PAPSS2: variants seen among roughly 807,000 people sequenced by gnomAD.
PAPSS2 encodes the protein 3'-phosphoadenosine 5'-phosphosulfate synthase 2, also known as bifunctional 3'-phosphoadenosine 5'-phosphosulfate synthase 2.
A neutral mutation model predicts 66.5 loss-of-function variants in PAPSS2; 61 were observed. The ratio of observed to expected loss-of-function variants is 0.92; its 90% CI spans 0.75 to 1.14. The LOEUF (loss-of-function observed/expected upper bound fraction) is 1.14, where lower values mean the gene tolerates loss of function less well. Among genes scored for constraint, PAPSS2 ranks in the 50% most tolerant of loss-of-function variants. The pLI, the probability that PAPSS2 is intolerant of heterozygous loss-of-function variation, is 0.00. For missense variants in PAPSS2, 708 were observed against 789.6 expected, an observed-to-expected ratio of 0.90 and a Z score of 1.24; for synonymous variants, 289 against 287.5, an observed-to-expected ratio of 1.01 and a Z score of -0.05.
intron 1 of PAPSS2, 27 bp from the exon 2 acceptor site, chr10:87,709,169 T>C: frequency 7.0e-7 from 1 of 1,428,302 alleles, no homozygotes; most frequent in Non-Finnish European, 9.9e-7. Context: ...TAATTAATAC[T>C]GTGCTTGGTT....
intron 10 of PAPSS2, among the ~76,000 whole-genome samples, chr10:87,742,040 G>A (rs770938907): frequency 2.6e-5 from 4 of 152,158 alleles, no homozygotes; most frequent in Non-Finnish European, 5.9e-5. Context: ...TTACAGGCAT[G>A]AGCCACCATC....
chr10:87,679,517 A>G (rs908258780), intron 1 of PAPSS2, among the ~76,000 whole-genome samples: 9 of 152,226 alleles, frequency 5.9e-5, no homozygotes, highest in African/African-American at 1.9e-4. Flanking sequence ...TACACATTCT[A>G]TGCATGTAAC....
intron 1 of PAPSS2, among the ~76,000 whole-genome samples, chr10:87,702,541 A>G (rs1468305234): frequency 6.6e-6 from 1 of 152,220 alleles, no homozygotes; most frequent in Non-Finnish European, 1.5e-5. Flanking sequence ...AGGAGCGGGA[A>G]GATTTGGAAC....
At chr10:87,706,371 C>T (rs558890029) in intron 1 of PAPSS2, among the ~76,000 whole-genome samples, 1 of 151,642 alleles carries the variant, frequency 6.6e-6, no homozygotes, top group African/African-American at 2.4e-5. Context: ...TGTTCTTGAA[C>T]TTAATGGCAT....
Position 87,701,448 on chromosome 10 carries a change from G to T in PAPSS2, c.28-7748G>T, listed in dbSNP as rs1416012460. Among the ~76,000 whole-genome samples, 3 of 124,978 alleles carry T rather than the reference G, an allele frequency of 2.4e-5. No individual in the cohort carries two copies. In the South Asian group the frequency reaches 8.3e-4, roughly 34 times the overall value. The allele number at this position is 124,978 out of a possible 152,430, so 82.0% of individuals were successfully genotyped here. On this transcript the variant is annotated intron_variant, in intron 1 of 12. Transcript: ENST00000456849. ...TCTCTCTCTCTTTCTTTCAGACAAG[G>T]TCTCACTCCATTGCCAAGACTGGAG... is the stretch of plus-strand genomic sequence containing the variant.
At chr10:87,730,632 C>A (rs1471370883) in intron 9 of PAPSS2, among the ~76,000 whole-genome samples, 1 of 152,120 alleles carries the variant, frequency 6.6e-6, no homozygotes, top group Non-Finnish European at 1.5e-5. Context: ...TATTTTCCAG[C>A]CCTTTTGAAT....
chr10:87,668,018 T>G (rs1244106351), intron 1 of PAPSS2, among the ~76,000 whole-genome samples: 2 of 152,216 alleles, frequency 1.3e-5, no homozygotes, highest in Non-Finnish European at 2.9e-5. Context: ...TAAAGACATT[T>G]GTAGACTTTA....
intron 8 of PAPSS2, among the ~76,000 whole-genome samples, chr10:87,724,851 T>TACACACAC (rs58668772): frequency 5.8e-5 from 8 of 138,336 alleles, no homozygotes; most frequent in South Asian, 5.1e-4. Context: ...TCTCTGTCTA[T>TACACACAC]ACACACACAC....
intron 1 of PAPSS2, among the ~76,000 whole-genome samples, chr10:87,698,141 C>A (rs928594019): frequency 6.6e-6 from 1 of 152,134 alleles, no homozygotes; most frequent in Non-Finnish European, 1.5e-5. Flanking sequence ...TGTTTTCATA[C>A]TATTCAAATT....
chr10:87,688,654 G>T (rs986422936), intron 1 of PAPSS2, among the ~76,000 whole-genome samples: 2 of 151,822 alleles, frequency 1.3e-5, no homozygotes, highest in African/African-American at 4.8e-5. Flanking sequence ...TAGAGACGGG[G>T]TTTCACTGTG....
At position 87,736,266 on chromosome 10, in the gene PAPSS2, T is replaced by TC. The variant is rs201632376; in HGVS notation, c.1087-4969_1087-4968insC. ...CATGTTTTTCTTTTCTTTCTTTCTT[T>TC]TTTTTTTTTTTTTTTTTTTGAGACA... On this transcript the variant is annotated intron_variant, in intron 9 of 12. Coordinates refer to ENST00000456849, the MANE Select transcript of PAPSS2 (RefSeq NM_001015880.2). 0.014 allele frequency among the ~76,000 whole-genome samples: 1,506 copies of TC among 105,912 alleles called. 92 individuals are homozygous for TC. The East Asian group carries it at 0.24, about 17-fold the overall frequency. 69.5% of individuals were successfully genotyped at this position (105,912 alleles called of 152,430 possible). A position where few individuals can be genotyped will look rare whatever the true frequency, so the allele number is the denominator to read the frequency against.
intron 1 of PAPSS2, among the ~76,000 whole-genome samples, chr10:87,708,348 A>G (rs1475011084): frequency 6.6e-6 from 1 of 152,240 alleles, no homozygotes; most frequent in African/African-American, 2.4e-5. Context: ...AGAAAGTGGA[A>G]ACAGTTTAGT....
At chr10:87,695,672 T>C (rs1167552830) in intron 1 of PAPSS2, among the ~76,000 whole-genome samples, 2 of 152,170 alleles carry the variant, frequency 1.3e-5, no homozygotes, top group Non-Finnish European at 2.9e-5. Context: ...TGCAAGAAAG[T>C]TCTTATGTGA....
At position 87,701,278 on chromosome 10, in the gene PAPSS2, T is replaced by TC. The variant is rs1465043956; in HGVS notation, c.28-7918_28-7917insC. Among the ~76,000 whole-genome samples, 4 of 38,222 alleles carry TC rather than the reference T, an allele frequency of 1.0e-4. No homozygotes were observed. In the African/African-American group the frequency reaches 1.3e-3, roughly 12 times the overall value. 25.1% of individuals were successfully genotyped at this position (38,222 alleles called of 152,430 possible). On this transcript the variant is annotated intron_variant, in intron 1 of 12. Transcript: ENST00000456849. ...TTCTTTCTTCCTTTCTTCCTTTCTC[T>TC]TTTTTCTTTCTTTCTTTCTTTTTTC...
At chr10:87,703,548 T>C (rs1420059090) in intron 1 of PAPSS2, among the ~76,000 whole-genome samples, 1 of 152,180 alleles carries the variant, frequency 6.6e-6, no homozygotes, top group Non-Finnish European at 1.5e-5. Context: ...TAATTCTTAT[T>C]TAATCCTTTC....
In PAPSS2 at chr10:87,743,629, TGG is replaced by T; in HGVS notation, c.1480_1481del (p.Gly494ProfsTer32). ...TCTTTCCGTCTCCCATGTTATATGC[TGG>T]CCCCACAGAGGTGAGCAATTCCCAG... ...AIFPSPMLYA[G>X]PTEVQWHCRS... is the part of the protein sequence containing the mutation. On this transcript the variant is annotated frameshift_variant, in exon 11 of 13. Coordinates refer to ENST00000456849, the MANE Select transcript of PAPSS2 (RefSeq NM_001015880.2). LOFTEE classifies it high-confidence loss of function. 3.7e-6 allele frequency: 6 copies of T among 1,614,192 alleles called. No individual in the cohort carries two copies. Among genetic ancestry groups the T allele is most frequent in the Non-Finnish European group, 5.1e-6 (6 of 1,180,012 alleles).
At chr10:87,727,234 A>T in intron 8 of PAPSS2, 50 bp from the exon 9 acceptor site, 1 of 1,479,092 alleles carries the variant, frequency 6.8e-7, no homozygotes, top group Non-Finnish European at 9.4e-7. Context: ...TGCTTCAAGG[A>T]TGGCACACCT....
intron 8 of PAPSS2, among the ~76,000 whole-genome samples, chr10:87,722,686 C>T (rs1181065867): frequency 1.3e-5 from 2 of 152,166 alleles, no homozygotes; most frequent in Non-Finnish European, 2.9e-5. Context: ...AAACTCAAGT[C>T]AGGGTTGAAA....
chr10:87,745,979 C>A lies in PAPSS2; in HGVS notation c.*9C>A. On this transcript the variant is annotated 3_prime_UTR_variant, in exon 13 of 13. Coordinates refer to ENST00000456849, the MANE Select transcript of PAPSS2 (RefSeq NM_001015880.2). The stretch of plus-strand genomic sequence containing the variant: ...CCCTGGAGAAGAACTAAGCCTTTGG[C>A]TCCAGAGTTTCTTTCTGAAGTGCTC... 6.2e-7 allele frequency: 1 copy of A among 1,613,636 alleles called. No homozygotes were observed. Among genetic ancestry groups the A allele is most frequent in the Non-Finnish European group, 8.5e-7 (1 of 1,179,588 alleles).
Sources: allele counts gnomAD v4.1 joint callset (sites outside exome capture counted in the v4.1 genomes callset), GRCh38; gene constraint gnomAD v4.1.1; transcripts MANE v1.5; gene names NCBI Gene and HGNC (gene_info 2026-07-23, HGNC 2026-07-21).